The following CYP3A7 variants were observed in gnomAD, a reference collection of about 807,000 sequenced individuals.
CYP3A7 encodes cytochrome P450 family 3 subfamily A member 7.
In CYP3A7, 45 loss-of-function variants were observed where a neutral mutation model predicts 55.2. The observed-to-expected ratio is 0.82, with a 90% CI of 0.64 to 1.05. The LOEUF is 1.05. Ranked by LOEUF, CYP3A7 falls within the 50% of genes least tolerant of loss-of-function variation. The pLI is 0.00. For synonymous variants in CYP3A7, 180 were observed against 207.4 expected (o/e 0.87, Z 1.13); for missense variants, 548 against 605.3 (o/e 0.91, Z 0.99).
At position 99,717,638 on chromosome 7, in the gene CYP3A7, G is replaced by A. The variant is rs1276289920; in HGVS notation, c.320C>T (p.Pro107Leu). Residue 107 changes from proline (P) to leucine (L), a missense_variant and splice_region_variant, in exon 5 of 13, where the codon CCT becomes CTT. Transcript: ENST00000336374. ...ECYSVFTNRR[P>L]FGPVGFMKNA... ...TTTCATAAATCCCACTGGCCCGAAAGGCTAGAGTTCAAAGCAGAAAGATTT... is the reference window on the plus strand; with the variant it reads ...TTTCATAAATCCCACTGGCCCGAAAAGCTAGAGTTCAAAGCAGAAAGATTT... 1.2e-6 allele frequency: 2 copies of A among 1,613,410 alleles called. No homozygotes were observed. The highest frequency in any genetic ancestry group is 1.1e-5 in the South Asian group (1 of 91,076).
chr7:99,725,048 G>C (rs560053198), intron 2 of CYP3A7, among the ~76,000 whole-genome samples: 1 of 152,234 alleles, frequency 6.6e-6, no homozygotes, highest in South Asian at 2.1e-4. Flanking sequence ...GTACAAGATG[G>C]ACTCCCCAGG....
intron 8 of CYP3A7, 112 bp from the exon 9 acceptor site, chr7:99,713,647 GA>G: frequency 7.1e-7 from 1 of 1,407,950 alleles, no homozygotes; most frequent in Non-Finnish European, 9.9e-7. Flanking sequence ...TTGGAGACCA[GA>G]AATCTGATGG....
chr7:99,731,244 G>T, intron 1 of CYP3A7, 92 bp from the exon 2 acceptor site: 1 of 1,422,896 alleles, frequency 7.0e-7, no homozygotes, highest in Non-Finnish European at 9.8e-7. Context: ...GGAATGATCA[G>T]GCAAAGGAGG....
chr7:99,724,620 C>T lies in CYP3A7; in HGVS notation c.166-2272G>A, dbSNP rs1420128529. Among the ~76,000 whole-genome samples the T allele has an allele frequency of 2.0e-5, 3 of 152,016 alleles. No individual in the cohort carries two copies. In the East Asian group the frequency reaches 5.8e-4, roughly 29 times the overall value. ...TCCCAATTCTTCCTCATCCTCTGCT[C>T]CCCCACCCTATAATAGAAGTATCAC... On this transcript the variant is annotated intron_variant, in intron 2 of 12. Coordinates refer to ENST00000336374, the MANE Select transcript of CYP3A7 (RefSeq NM_000765.5).
chr7:99,713,595 C>T, intron 8 of CYP3A7, 60 bp from the exon 9 acceptor site: 1 of 1,609,664 alleles, frequency 6.2e-7, no homozygotes, highest in South Asian at 1.1e-5. Context: ...AGAAGTTAAT[C>T]AGAAGTGCAG....
At position 99,713,440 on chromosome 7, in the gene CYP3A7, A is replaced by G. The variant is rs183629375; in HGVS notation, c.865+29T>C. On this transcript the variant is annotated intron_variant, in intron 9 of 12. Coordinates refer to ENST00000336374, the MANE Select transcript of CYP3A7 (RefSeq NM_000765.5). The stretch of plus-strand genomic sequence containing the variant: ...AAACCTTCCCTCTGAGTGCCCCACC[A>G]GTAGCCCTCAGAAGCACTCTTTTGT... The G allele has an allele frequency of 1.9e-5, 31 of 1,612,868 alleles. 1 individual carries two copies. The East Asian group carries it at 4.7e-4, about 24-fold the overall frequency.
At chr7:99,714,753 A>T (rs1232121538) in intron 7 of CYP3A7, 71 bp from the exon 8 acceptor site, 1 of 1,583,396 alleles carries the variant, frequency 6.3e-7, no homozygotes, top group African/African-American at 1.4e-5. Flanking sequence ...AGCAATTCTA[A>T]TTTTCTCTAC....
At position 99,705,470 on chromosome 7, in the gene CYP3A7, T is replaced by A; in HGVS notation, c.*30A>T. On this transcript the variant is annotated 3_prime_UTR_variant, in exon 13 of 13. Transcript: ENST00000336374. ...CTGGTGTTCTGGGGCACAGCTTTCT[T>A]AAAGAGCAAACCAGAAGTCCTTAGG... 1 of 1,611,088 alleles carries A rather than the reference T, an allele frequency of 6.2e-7. No homozygotes were observed.
At chr7:99,729,988 A>T (rs1328055545) in intron 2 of CYP3A7, among the ~76,000 whole-genome samples, 2 of 152,244 alleles carry the variant, frequency 1.3e-5, no homozygotes, top group Non-Finnish European at 2.9e-5. Flanking sequence ...CCTGGGCAGT[A>T]ATTAGACAAC....
At chr7:99,723,350 T>A (rs1232548846) in intron 2 of CYP3A7, among the ~76,000 whole-genome samples, 1 of 152,196 alleles carries the variant, frequency 6.6e-6, no homozygotes, top group Admixed American at 6.5e-5. Context: ...ATGAGTCTTA[T>A]GATCTCCCTA....
intron 2 of CYP3A7, 148 bp downstream of exon 2, chr7:99,730,911 C>CTTTT: frequency 9.2e-7 from 1 of 1,081,832 alleles, no homozygotes; most frequent in East Asian, 2.7e-5. Context: ...CCAGGGTAAA[C>CTTTT]TTTGCCACGC....
chr7:99,709,099 G>T lies in CYP3A7; in HGVS notation c.1189C>A (p.Pro397Thr). The change falls in exon 11 of 13, where the codon CCA becomes ACA. Residue 397 changes from proline to threonine, a missense_variant. By Grantham distance (38) the Pro-to-Thr change is conservative. Coordinates refer to ENST00000336374, the MANE Select transcript of CYP3A7 (RefSeq NM_000765.5). ...GGGTCATGATGAAGAACATAGCTTG[G>T]AATCATCACCACCACCCCTTTGGGA... The part of the protein sequence containing the change: ...FIPKGVVVMI[P>T]SYVLHHDPKY... 6.2e-7 allele frequency: 1 copy of T among 1,613,846 alleles called. No homozygotes were observed. Among genetic ancestry groups the T allele is most frequent in the South Asian group, 1.1e-5 (1 of 91,074 alleles).
intron 5 of CYP3A7, 78 bp downstream of exon 5, chr7:99,717,448 A>G (rs189125163): frequency 5.0e-6 from 8 of 1,595,126 alleles, no homozygotes; most frequent in Admixed American, 3.5e-5. Flanking sequence ...TCGGAAAGGA[A>G]CTCTGATCTT....
chr7:99,719,064 T>C (rs138938115), intron 4 of CYP3A7, among the ~76,000 whole-genome samples: 1 of 152,294 alleles, frequency 6.6e-6, no homozygotes, highest in African/African-American at 2.4e-5. Flanking sequence ...ATAGTGAAGA[T>C]AAAGACTTTC....
chr7:99,721,036 C>G (rs973486522), intron 3 of CYP3A7: 1 of 153,590 alleles, frequency 6.5e-6, no homozygotes, highest in Non-Finnish European at 1.5e-5. Context: ...TTCTAGTGAA[C>G]GAACACACCA....
chr7:99,723,474 G>A (rs1254724038), intron 2 of CYP3A7, among the ~76,000 whole-genome samples: 2 of 152,124 alleles, frequency 1.3e-5, no homozygotes, highest in Non-Finnish European at 2.9e-5. Flanking sequence ...TCCCTTTGCA[G>A]ACTCCTTTTC....
intron 4 of CYP3A7, among the ~76,000 whole-genome samples, chr7:99,719,605 T>A (rs905027490): frequency 7.6e-5 from 11 of 144,168 alleles, no homozygotes; most frequent in African/African-American, 1.3e-4. Flanking sequence ...CATAAAAAAA[T>A]ATTAATACAT....
intron 11 of CYP3A7, among the ~76,000 whole-genome samples, chr7:99,708,621 A>G (rs1412417830): frequency 6.6e-6 from 1 of 152,118 alleles, no homozygotes; most frequent in Non-Finnish European, 1.5e-5. Context: ...TTCTTTGTCT[A>G]TCTGTTGCAC....
chr7:99,713,645 C>G, intron 8 of CYP3A7, 110 bp from the exon 9 acceptor site: 4 of 1,457,078 alleles, frequency 2.7e-6, no homozygotes, highest in Non-Finnish European at 3.8e-6. Context: ...CCTTGGAGAC[C>G]AGAAATCTGA....
Sources: gnomAD v4.1 joint callset for allele counts (sites outside exome capture counted in the v4.1 genomes callset) on GRCh38, gnomAD v4.1.1 for gene constraint, MANE v1.5 for transcripts, NCBI Gene and HGNC (gene_info 2026-07-23, HGNC 2026-07-21) for gene names.